The following ZNF892 variants were observed in gnomAD, a reference collection of about 807,000 sequenced individuals.
ZNF892 encodes zinc finger protein 570-like.
At chr2:95,256,711 A>G in the ZNF892 span, among the ~76,000 whole-genome samples, 3 of 152,228 alleles carry the variant, frequency 2.0e-5, no homozygotes, top group Non-Finnish European at 4.4e-5. Flanking sequence ...AGATACACCA[A>G]TCAGACATAG....
chr2:95,218,379 C>A, the ZNF892 span, among the ~76,000 whole-genome samples: 1 of 152,236 alleles, frequency 6.6e-6, no homozygotes, highest in Non-Finnish European at 1.5e-5. Context: ...AGTTTCATCA[C>A]TCTCAAGTTC....
the ZNF892 span, among the ~76,000 whole-genome samples, chr2:95,219,771 A>T: frequency 6.6e-6 from 1 of 152,128 alleles, no homozygotes; most frequent in African/African-American, 2.4e-5. Flanking sequence ...CATTACTTTA[A>T]GTTGGTGTTG....
At chr2:95,224,074 TCTCA>T in the ZNF892 span, among the ~76,000 whole-genome samples, 1 of 152,218 alleles carries the variant, frequency 6.6e-6, no homozygotes, top group Non-Finnish European at 1.5e-5. Flanking sequence ...GAAAGTGGGT[TCTCA>T]CTCACATTTC....
the ZNF892 span, chr2:95,258,953 A>G: frequency 6.6e-6 from 1 of 152,216 alleles, no homozygotes; most frequent in East Asian, 1.9e-4. Context: ...TCAAAGGCGG[A>G]AAGAAATGGC....
the ZNF892 span, among the ~76,000 whole-genome samples, chr2:95,210,758 C>T: frequency 6.6e-6 from 1 of 152,148 alleles, no homozygotes; most frequent in African/African-American, 2.4e-5. Context: ...CTGGCCTCTG[C>T]TCCTGTGGAG....
chr2:95,249,705 G>A, the ZNF892 span, among the ~76,000 whole-genome samples: 2 of 151,992 alleles, frequency 1.3e-5, no homozygotes, highest in Admixed American at 1.3e-4. Context: ...TTTTCGTAAT[G>A]TAATTTTTGG....
the ZNF892 span, among the ~76,000 whole-genome samples, chr2:95,233,004 G>A: frequency 6.6e-6 from 1 of 152,028 alleles, no homozygotes; most frequent in Admixed American, 6.5e-5. Context: ...CTCATTATGT[G>A]GGATGTCCTG....
At chr2:95,247,305 A>G in the ZNF892 span, among the ~76,000 whole-genome samples, 2 of 152,226 alleles carry the variant, frequency 1.3e-5, no homozygotes, top group Non-Finnish European at 2.9e-5. Context: ...AGCAAGCCAT[A>G]TGCAGAAAAT....
chr2:95,245,873 A>G, the ZNF892 span, among the ~76,000 whole-genome samples: 1 of 152,332 alleles, frequency 6.6e-6, no homozygotes, highest in South Asian at 2.1e-4. Flanking sequence ...GGCAGTAATA[A>G]GTAGCCTACC....
chr2:95,248,727 A>G, the ZNF892 span, among the ~76,000 whole-genome samples: 29 of 152,274 alleles, frequency 1.9e-4, no homozygotes, highest in South Asian at 4.8e-3. Flanking sequence ...AAGTAAATCT[A>G]TTTAATCCTA....
At chr2:95,258,567 G>A in the ZNF892 span, among the ~76,000 whole-genome samples, 2 of 152,314 alleles carry the variant, frequency 1.3e-5, no homozygotes, top group South Asian at 2.1e-4. Context: ...ATAACTAGGG[G>A]CAAGGAGGCA....
At chr2:95,246,195 G>A in the ZNF892 span, among the ~76,000 whole-genome samples, 5 of 152,212 alleles carry the variant, frequency 3.3e-5, no homozygotes, top group Non-Finnish European at 7.3e-5. Flanking sequence ...TCTCCAGGAT[G>A]CAAGGTTGGT....
At chr2:95,263,000 G>A in the ZNF892 span, among the ~76,000 whole-genome samples, 1 of 152,188 alleles carries the variant, frequency 6.6e-6, no homozygotes, top group Non-Finnish European at 1.5e-5. Flanking sequence ...GCTGTGACAC[G>A]ACTTTGCAGA....
chr2:95,252,161 T>G, the ZNF892 span, among the ~76,000 whole-genome samples: 6 of 152,272 alleles, frequency 3.9e-5, no homozygotes, highest in South Asian at 1.0e-3. Context: ...TGTATACATG[T>G]GCCATGTTGG....
At chr2:95,257,609 A>G in the ZNF892 span, among the ~76,000 whole-genome samples, 2 of 152,180 alleles carry the variant, frequency 1.3e-5, no homozygotes, top group Non-Finnish European at 2.9e-5. Flanking sequence ...TCAGACAGGG[A>G]CATTTAAGTG....
chr2:95,224,363 C>A, the ZNF892 span, among the ~76,000 whole-genome samples: 1 of 152,142 alleles, frequency 6.6e-6, no homozygotes, highest in Non-Finnish European at 1.5e-5. Context: ...AGCCCATTTT[C>A]ACGTGCTATA....
the ZNF892 span, among the ~76,000 whole-genome samples, chr2:95,213,848 G>A: frequency 6.6e-6 from 1 of 152,138 alleles, no homozygotes; most frequent in Admixed American, 6.5e-5. Flanking sequence ...GGGACATATT[G>A]GAGTAGGAAA....
chr2:95,240,777 G>A, the ZNF892 span, among the ~76,000 whole-genome samples: 2 of 152,062 alleles, frequency 1.3e-5, no homozygotes, highest in Non-Finnish European at 2.9e-5. Context: ...TCCCAGGGGC[G>A]GGGCAGCTGA....
the ZNF892 span, among the ~76,000 whole-genome samples, chr2:95,207,129 CCT>C: frequency 6.6e-6 from 1 of 152,246 alleles, no homozygotes; most frequent in South Asian, 2.1e-4. Flanking sequence ...ACTGAGATCA[CCT>C]CTGTGTTGGC....
Sources: gnomAD v4.1 joint callset for allele counts (sites outside exome capture counted in the v4.1 genomes callset) on GRCh38, gnomAD v4.1.1 for gene constraint, MANE v1.5 for transcripts, NCBI Gene and HGNC (gene_info 2026-07-23, HGNC 2026-07-21) for gene names.